KCNJ16: variants seen among roughly 807,000 people sequenced by gnomAD.
KCNJ16 encodes potassium inwardly rectifying channel subfamily J member 16, also known as inward rectifier potassium channel 16.
A neutral mutation model predicts 18.5 loss-of-function variants in KCNJ16; 15 were observed. The ratio of observed to expected loss-of-function variants is 0.81; its 90% CI spans 0.54 to 1.25. The LOEUF (loss-of-function observed/expected upper bound fraction) is 1.25, where lower values mean the gene tolerates loss of function less well. Among genes scored for constraint, KCNJ16 ranks in the 50% most tolerant of loss-of-function variants. KCNJ16 has a pLI of 0.00. For missense variants in KCNJ16, 523 were observed against 525.7 expected (o/e 0.99, Z 0.05); for synonymous variants, 174 against 186.5 (o/e 0.93, Z 0.55).
chr17:70,092,364 T>A (rs8077474), intron 1 of KCNJ16, among the ~76,000 whole-genome samples: 7 of 151,986 alleles, frequency 4.6e-5, no homozygotes, highest in African/African-American at 1.7e-4. Context: ...AACCTAAGAA[T>A]AGCATTTCTG....
chr17:70,125,796 C>T (rs2073833540), intron 2 of KCNJ16, among the ~76,000 whole-genome samples: 1 of 151,870 alleles, frequency 6.6e-6, no homozygotes, highest in Non-Finnish European at 1.5e-5. Flanking sequence ...GCTGGGCGTG[C>T]TGGCAGGCAC....
chr17:70,116,628 A>G (rs1231651048), intron 2 of KCNJ16, among the ~76,000 whole-genome samples: 1 of 152,164 alleles, frequency 6.6e-6, no homozygotes, highest in East Asian at 1.9e-4. Flanking sequence ...GCCTTAACAA[A>G]TTTAATTAAA....
At chr17:70,105,630 A>G (rs939697813) in intron 2 of KCNJ16, among the ~76,000 whole-genome samples, 3 of 152,242 alleles carry the variant, frequency 2.0e-5, no homozygotes, top group African/African-American at 7.2e-5. Context: ...AACTGCTAAA[A>G]GGTAACTTCA....
At chr17:70,126,420 T>C (rs2073858077) in intron 2 of KCNJ16, among the ~76,000 whole-genome samples, 1 of 152,210 alleles carries the variant, frequency 6.6e-6, no homozygotes, top group South Asian at 2.1e-4. Context: ...TTTGAATGCC[T>C]TTGACAATGG....
intron 2 of KCNJ16, among the ~76,000 whole-genome samples, chr17:70,114,211 C>A (rs906735034): frequency 3.9e-5 from 6 of 152,074 alleles, no homozygotes; most frequent in Non-Finnish European, 7.4e-5. Context: ...ACTTAAAGGT[C>A]AAAGAAGTTG....
chr17:70,108,930 C>CGCACG (rs1353818788), intron 2 of KCNJ16, among the ~76,000 whole-genome samples: 2 of 152,044 alleles, frequency 1.3e-5, no homozygotes, highest in African/African-American at 2.4e-5. Context: ...TGATTCCACA[C>CGCACG]GCACGTCCTT....
At chr17:70,104,789 GACTATCT>G (rs2072834923) in intron 2 of KCNJ16, 1 of 152,668 alleles carries the variant, frequency 6.6e-6, no homozygotes, top group Non-Finnish European at 1.5e-5. Context: ...CCATTGGCAA[GACTATCT>G]ACTATGCGTA....
rs549950471 is a variant in KCNJ16 at position 70,118,246 on chromosome 17, C to G, written c.-190-12633C>G. Among the ~76,000 whole-genome samples, 240 of 151,984 alleles carry G rather than the reference C, an allele frequency of 1.6e-3. 1 individual carries two copies. The highest frequency in any genetic ancestry group is 1.4e-3 in the Non-Finnish European group (94 of 67,960). On this transcript the variant is annotated intron_variant, in intron 2 of 3. Coordinates refer to ENST00000392671, the MANE Select transcript of KCNJ16 (RefSeq NM_170741.4). ...GACACAGAGAGGGGAACATCACACA[C>G]TGGGGCCTGTCGGGGGTTCGGGGGC...
intron 2 of KCNJ16, among the ~76,000 whole-genome samples, chr17:70,105,706 TTAA>T (rs1370834147): frequency 2.0e-5 from 3 of 151,692 alleles, no homozygotes; most frequent in Non-Finnish European, 4.4e-5. Flanking sequence ...TTTCGAACTT[TTAA>T]TGTTTTTCTT....
intron 2 of KCNJ16, among the ~76,000 whole-genome samples, chr17:70,121,068 G>T (rs1421192022): frequency 2.0e-5 from 3 of 152,168 alleles, no homozygotes; most frequent in African/African-American, 7.2e-5. Context: ...GACAAAGTTT[G>T]TCTGGGTGTG....
chr17:70,095,870 C>CTCTTTTTTTTTTTT lies in KCNJ16; in HGVS notation c.-299-4787_-299-4786insCTTTTTTTTTTTTT, dbSNP rs1567784556. On this transcript the variant is annotated intron_variant, in intron 1 of 3. Coordinates refer to ENST00000392671, the MANE Select transcript of KCNJ16 (RefSeq NM_170741.4). ...ATTTGGCATTTTATATTACTTAATC[C>CTCTTTTTTTTTTTT]TTTTTTTTTTTTTTTTTTTTTTTTT... Among the ~76,000 whole-genome samples, 5 of 95,390 alleles carry CTCTTTTTTTTTTTT rather than the reference C, an allele frequency of 5.2e-5. 2 individuals carry two copies. The highest frequency in any genetic ancestry group is 2.1e-4 in the African/African-American group (5 of 24,196). The allele number at this position is 95,390 out of a possible 152,430, so 62.6% of individuals were successfully genotyped here.
intron 1 of KCNJ16, among the ~76,000 whole-genome samples, chr17:70,096,445 A>G (rs1353598830): frequency 7.5e-6 from 1 of 133,698 alleles, no homozygotes; most frequent in Non-Finnish European, 1.6e-5. Context: ...ATGGAAAAGT[A>G]TTATGAACTT....
intron 3 of KCNJ16, chr17:70,131,553 ATCCT>A (rs1200060073): frequency 1.2e-6 from 1 of 812,034 alleles, no homozygotes; most frequent in East Asian, 1.2e-4. Flanking sequence ...TCTTTATTGC[ATCCT>A]TCTTTTAAGG....
In KCNJ16 at chr17:70,114,685, T is replaced by C. The variant is rs566958606; in HGVS notation, c.-191+13919T>C. On this transcript the variant is annotated intron_variant, in intron 2 of 3. Transcript: ENST00000392671. ...TCTGGGCAGTTCTATCATGTCTCCT[T>C]GAAGGTAATGAAGGTCAAGGCAATT... 7.9e-4 allele frequency among the ~76,000 whole-genome samples: 121 copies of C among 152,220 alleles called. 2 individuals are homozygous for C. The highest frequency in any genetic ancestry group is 6.4e-3 in the South Asian group (31 of 4,820).
intron 1 of KCNJ16, among the ~76,000 whole-genome samples, chr17:70,089,371 T>G (rs2071981444): frequency 6.6e-6 from 1 of 152,322 alleles, no homozygotes; most frequent in Middle Eastern, 3.4e-3. Context: ...CTTGCATAAT[T>G]TGCATATGAG....
At chr17:70,082,047 T>A (rs991449534) in intron 1 of KCNJ16, among the ~76,000 whole-genome samples, 2 of 152,170 alleles carry the variant, frequency 1.3e-5, no homozygotes, top group Non-Finnish European at 2.9e-5. Flanking sequence ...TGATGTGCAG[T>A]GACTCGTTCT....
rs2072584675 is a variant in KCNJ16, at chr17:70,100,723, C to T, written c.-234C>T. On this transcript the variant is annotated 5_prime_UTR_variant, in exon 2 of 4. Coordinates refer to ENST00000392671, the MANE Select transcript of KCNJ16 (RefSeq NM_170741.4). ...CAGGATTCTAACTGGCAGACTGGCA[C>T]TTTATCTCAATTCTTAACTGCTGTG... 1 of 152,158 alleles carries T rather than the reference C, an allele frequency of 6.6e-6. No individual in the cohort carries two copies. The highest frequency in any genetic ancestry group is 1.5e-5 in the Non-Finnish European group (1 of 68,026). 9.4% of individuals were successfully genotyped at this position (152,158 alleles called of 1,614,324 possible).
At chr17:70,079,739 A>C (rs1349162447) in intron 1 of KCNJ16, among the ~76,000 whole-genome samples, 1 of 152,160 alleles carries the variant, frequency 6.6e-6, no homozygotes, top group East Asian at 1.9e-4. Flanking sequence ...GTCTCACTCT[A>C]TTGCCTAGGC....
In KCNJ16 at chr17:70,084,957, C is replaced by T. The variant is rs113049943; in HGVS notation, c.-300+9567C>T. On this transcript the variant is annotated intron_variant, in intron 1 of 3. Coordinates refer to ENST00000392671, the MANE Select transcript of KCNJ16 (RefSeq NM_170741.4). ...TCTTTCTTAGATTGTGTTTGGCCAA[C>T]GCTTTCATCTTAATCTTCTGCCTCA... is the stretch of plus-strand genomic sequence containing the variant. Among the ~76,000 whole-genome samples, 1,332 of 152,252 alleles carry T rather than the reference C, an allele frequency of 8.7e-3. 7 individuals are homozygous for T. Among genetic ancestry groups the T allele is most frequent in the African/African-American group, 0.022 (902 of 41,520 alleles).
Sources: gnomAD v4.1 joint callset for allele counts (sites outside exome capture counted in the v4.1 genomes callset) on GRCh38, gnomAD v4.1.1 for gene constraint, MANE v1.5 for transcripts, NCBI Gene and HGNC (gene_info 2026-07-23, HGNC 2026-07-21) for gene names.